Variants in NEGR1 observed in about 807,000 individuals in gnomAD.
NEGR1 encodes the protein neuronal growth regulator 1.
In NEGR1, 10 loss-of-function variants were observed where a neutral mutation model predicts 40.9. The observed-to-expected ratio is 0.24, with a 90% confidence interval of 0.15 to 0.42. The LOEUF is 0.42. Among genes scored for constraint, NEGR1 ranks in the 10% least tolerant of loss-of-function variants. The pLI is 1.00. For synonymous variants in NEGR1, 185 were observed against 166.8 expected (o/e 1.11, Z -0.84); for missense variants, 352 against 438.9 (o/e 0.80, Z 1.77).
At chr1:71,869,864 G>T (rs1404857363) in intron 2 of NEGR1, among the ~76,000 whole-genome samples, 3 of 150,862 alleles carry the variant, frequency 2.0e-5, no homozygotes, top group Admixed American at 6.6e-5. Flanking sequence ...AAACATGTTT[G>T]GATAGCTTTT....
intron 6 of NEGR1, among the ~76,000 whole-genome samples, chr1:71,444,942 G>A (rs1283527075): frequency 6.6e-6 from 1 of 152,090 alleles, no homozygotes; most frequent in Non-Finnish European, 1.5e-5. Flanking sequence ...TCTAGACATT[G>A]GAGATACCAC....
At chr1:71,429,380 C>T (rs942259956) in intron 6 of NEGR1, among the ~76,000 whole-genome samples, 2 of 152,296 alleles carry the variant, frequency 1.3e-5, no homozygotes, top group South Asian at 2.1e-4. Context: ...GTCTAAATTA[C>T]ATTTCATTTC....
intron 2 of NEGR1, among the ~76,000 whole-genome samples, chr1:71,850,285 A>G (rs1444321197): frequency 6.6e-6 from 1 of 151,946 alleles, no homozygotes. Context: ...CCTCCTGAGT[A>G]GCTGGGACTG....
chr1:71,908,736 T>G (rs1661346054), intron 2 of NEGR1, among the ~76,000 whole-genome samples: 1 of 152,190 alleles, frequency 6.6e-6, no homozygotes, highest in Admixed American at 6.5e-5. Context: ...TAAAATACAT[T>G]ATTTTAAATA....
rs527745236 is a variant in NEGR1, at chr1:71,539,701, G to A, written c.940+53116C>T. ...AAAGATGCGTGTTTATTATCATCCT[G>A]GTAAATATCCTGAGACAGTATAAAT... On this transcript the variant is annotated intron_variant, in intron 6 of 6. Coordinates refer to ENST00000357731, the MANE Select transcript of NEGR1 (RefSeq NM_173808.3). Among the ~76,000 whole-genome samples the A allele has an allele frequency of 5.9e-5, 9 of 151,606 alleles. No individual in the cohort carries two copies. In the South Asian group the frequency reaches 1.9e-3, roughly 32 times the overall value.
chr1:71,709,190 G>A (rs1176392278), intron 3 of NEGR1, among the ~76,000 whole-genome samples: 1 of 152,156 alleles, frequency 6.6e-6, no homozygotes, highest in Non-Finnish European at 1.5e-5. Flanking sequence ...CACAATGGTT[G>A]AACTAATTTA....
intron 6 of NEGR1, chr1:71,573,416 G>T: frequency 6.6e-6 from 1 of 152,422 alleles, no homozygotes. Flanking sequence ...CTCCCCTTCT[G>T]ATTCCATGGT....
chr1:72,266,185 C>T (rs374180038), intron 1 of NEGR1, among the ~76,000 whole-genome samples: 2 of 150,922 alleles, frequency 1.3e-5, no homozygotes, highest in East Asian at 3.9e-4. Flanking sequence ...ATTGACATAA[C>T]ATTGTAATGA....
intron 3 of NEGR1, among the ~76,000 whole-genome samples, chr1:71,751,974 G>T (rs1655585017): frequency 6.6e-6 from 1 of 152,160 alleles, no homozygotes; most frequent in South Asian, 2.1e-4. Flanking sequence ...TGGGTCATTG[G>T]TTAACTGGAT....
chr1:71,898,873 AT>A (rs762412616), intron 2 of NEGR1, among the ~76,000 whole-genome samples: 79 of 81,804 alleles, frequency 9.7e-4, no homozygotes, highest in African/African-American at 3.0e-3. Flanking sequence ...GCAAATATAT[AT>A]ATTGCAAATA....
intron 2 of NEGR1, among the ~76,000 whole-genome samples, chr1:71,862,606 A>G (rs1659983027): frequency 6.6e-6 from 1 of 152,080 alleles, no homozygotes; most frequent in African/African-American, 2.4e-5. Flanking sequence ...ATTTTATTGC[A>G]TCAAAATTAA....
intron 2 of NEGR1, among the ~76,000 whole-genome samples, chr1:71,796,505 T>C (rs1279375606): frequency 1.3e-5 from 2 of 152,162 alleles, no homozygotes; most frequent in Admixed American, 1.3e-4. Flanking sequence ...GATCAAAAGC[T>C]ACAAGAAAGG....
At chr1:71,930,692 T>A (rs915511076) in intron 2 of NEGR1, among the ~76,000 whole-genome samples, 3 of 152,196 alleles carry the variant, frequency 2.0e-5, no homozygotes, top group African/African-American at 7.2e-5. Flanking sequence ...TACTTTAGGA[T>A]CTTTGTGAAA....
chr1:71,588,723 C>G (rs1649395914), intron 6 of NEGR1, among the ~76,000 whole-genome samples: 2 of 152,112 alleles, frequency 1.3e-5, no homozygotes, highest in Admixed American at 6.6e-5. Context: ...TAAATCAAAA[C>G]TTTTGCTTAT....
intron 1 of NEGR1, among the ~76,000 whole-genome samples, chr1:72,249,908 A>G (rs2100528485): frequency 6.6e-6 from 1 of 152,342 alleles, no homozygotes; most frequent in Admixed American, 6.5e-5. Flanking sequence ...TCTTCAAGCA[A>G]CATTTGATAG....
chr1:72,269,134 A>T (rs1655757541), intron 1 of NEGR1, among the ~76,000 whole-genome samples: 2 of 151,726 alleles, frequency 1.3e-5, no homozygotes, highest in African/African-American at 4.8e-5. Context: ...GCTAGCAGAA[A>T]AAGGCAACAT....
intron 4 of NEGR1, among the ~76,000 whole-genome samples, chr1:71,649,641 GATGA>G (rs1370122985): frequency 6.6e-6 from 1 of 152,052 alleles, no homozygotes; most frequent in African/African-American, 2.4e-5. Flanking sequence ...ATTCTTTTTG[GATGA>G]ATATTATTTT....
At chr1:71,895,338 C>G (rs756807613) in intron 2 of NEGR1, among the ~76,000 whole-genome samples, 1 of 152,134 alleles carries the variant, frequency 6.6e-6, no homozygotes, top group Non-Finnish European at 1.5e-5. Flanking sequence ...ACAAACACCA[C>G]AAAATTTACC....
At chr1:72,146,806 A>T (rs1269871532) in intron 1 of NEGR1, among the ~76,000 whole-genome samples, 1 of 152,216 alleles carries the variant, frequency 6.6e-6, no homozygotes, top group Non-Finnish European at 1.5e-5. Flanking sequence ...TGCTGTTTTA[A>T]CACCTCAGTA....
Sources: allele counts gnomAD v4.1 joint callset (sites outside exome capture counted in the v4.1 genomes callset), GRCh38; gene constraint gnomAD v4.1.1; transcripts MANE v1.5; gene names NCBI Gene and HGNC (gene_info 2026-07-23, HGNC 2026-07-21).